DMRT1: variants seen among roughly 807,000 people sequenced by gnomAD.
DMRT1 encodes doublesex and mab-3 related transcription factor 1, also known as doublesex- and mab-3-related transcription factor 1.
Under a neutral mutation model 32.3 loss-of-function variants are expected in DMRT1, and 7 were observed. The observed-to-expected ratio is 0.22, with a 90% CI of 0.12 to 0.41. The LOEUF (loss-of-function observed/expected upper bound fraction) is 0.41, where lower values mean the gene tolerates loss of function less well. DMRT1 is among the 10% of genes least tolerant of loss of function. DMRT1 has a pLI of 1.00. For synonymous variants in DMRT1, 278 were observed against 206.1 expected (o/e 1.35, Z -2.99); for missense variants, 625 against 500.5 (o/e 1.25, Z -2.37).
chr9:871,044 G>A (rs1233797810), intron 2 of DMRT1, among the ~76,000 whole-genome samples: 2 of 151,664 alleles, frequency 1.3e-5, no homozygotes, highest in East Asian at 3.9e-4. Context: ...TGGGTTTCAG[G>A]GGGTCTTTGA....
intron 3 of DMRT1, among the ~76,000 whole-genome samples, chr9:915,472 T>A (rs1482605184): frequency 6.9e-6 from 1 of 144,560 alleles, no homozygotes; most frequent in Non-Finnish European, 1.5e-5. Context: ...CGGAAAAAAA[T>A]GAATGACTGC....
intron 2 of DMRT1, among the ~76,000 whole-genome samples, chr9:883,345 C>T (rs1017962194): frequency 2.0e-5 from 3 of 152,074 alleles, no homozygotes; most frequent in African/African-American, 4.8e-5. Context: ...TCTTGTGCTA[C>T]AGGAGCGACA....
chr9:892,927 C>G (rs1275483498), intron 2 of DMRT1, among the ~76,000 whole-genome samples: 1 of 152,188 alleles, frequency 6.6e-6, no homozygotes, highest in African/African-American at 2.4e-5. Context: ...TCCTTCCTCT[C>G]CTTTTCTCAT....
At chr9:857,316 A>T (rs7865419) in intron 2 of DMRT1, among the ~76,000 whole-genome samples, 64,771 of 151,568 alleles carry the variant, frequency 0.43, 16,605 homozygotes, top group African/African-American at 0.73. Context: ...CAAAAAAAAT[A>T]TATATATGTG....
intron 4 of DMRT1, among the ~76,000 whole-genome samples, chr9:928,753 A>G (rs1818612249): frequency 6.6e-6 from 1 of 152,230 alleles, no homozygotes; most frequent in African/African-American, 2.4e-5. Context: ...TTTAAGATGT[A>G]CAACAACAAA....
intron 2 of DMRT1, among the ~76,000 whole-genome samples, chr9:888,088 G>A (rs1305676841): frequency 6.6e-6 from 1 of 152,192 alleles, no homozygotes; most frequent in African/African-American, 2.4e-5. Flanking sequence ...CTGAATGCCT[G>A]ACAAATAGTA....
chr9:951,623 A>G (rs1259602500), intron 4 of DMRT1, among the ~76,000 whole-genome samples: 2 of 152,198 alleles, frequency 1.3e-5, no homozygotes, highest in Admixed American at 6.5e-5. Context: ...TCTTGGGTAA[A>G]TTAGTTTAAT....
rs539403032 is a variant in DMRT1 at position 892,375 on chromosome 9, C to T, written c.539-1537C>T. Among the ~76,000 whole-genome samples, 5 of 152,236 alleles carry T rather than the reference C, an allele frequency of 3.3e-5. No homozygotes were observed. The East Asian group carries it at 9.7e-4, about 29-fold the overall frequency. ...TTCCAGTCTCAGCCTCTCCCAAAAG[C>T]ACGCGTTTCATGTTCCTCACCCTCA... is the stretch of plus-strand genomic sequence containing the variant. On this transcript the variant is annotated intron_variant, in intron 2 of 4. Coordinates refer to ENST00000382276, the MANE Select transcript of DMRT1 (RefSeq NM_021951.3).
At chr9:853,936 C>T (rs1815275377) in intron 2 of DMRT1, among the ~76,000 whole-genome samples, 1 of 152,056 alleles carries the variant, frequency 6.6e-6, no homozygotes, top group South Asian at 2.1e-4. Flanking sequence ...GTTAGGACTA[C>T]AGGTGCACGC....
chr9:864,261 G>C (rs1270614366), intron 2 of DMRT1, among the ~76,000 whole-genome samples: 1 of 150,236 alleles, frequency 6.7e-6, no homozygotes, highest in African/African-American at 2.5e-5. Context: ...CTGGAGTGCA[G>C]TGGTGTGATC....
chr9:881,372 A>G (rs2132630227), intron 2 of DMRT1, among the ~76,000 whole-genome samples: 1 of 152,346 alleles, frequency 6.6e-6, no homozygotes, highest in Non-Finnish European at 1.5e-5. Flanking sequence ...AATTGTATAC[A>G]TTTATGTAGA....
intron 2 of DMRT1, among the ~76,000 whole-genome samples, chr9:864,794 C>T (rs1589468016): frequency 6.6e-6 from 1 of 152,222 alleles, no homozygotes; most frequent in South Asian, 2.1e-4. Flanking sequence ...GCCACCGTGC[C>T]CGCCAGCCAG....
In DMRT1 at chr9:917,005, T is replaced by C. The variant is rs959109052; in HGVS notation, c.967+98T>C. 25 of 1,362,340 alleles carry C rather than the reference T, an allele frequency of 1.8e-5. No homozygotes were observed. The East Asian group carries it at 5.1e-4, about 28-fold the overall frequency. 84.4% of individuals were successfully genotyped at this position (1,362,340 alleles called of 1,614,324 possible). A position where few individuals can be genotyped will look rare whatever the true frequency, so the allele number is the denominator to read the frequency against. Reference sequence around the variant, plus strand: ...TGTCTAATGGCTTAGCTGTTAGTAATTGTTGGAAATTTTATTGCTGTGTGA... The same window carrying C: ...TGTCTAATGGCTTAGCTGTTAGTAACTGTTGGAAATTTTATTGCTGTGTGA... On this transcript the variant is annotated intron_variant, in intron 4 of 4. Coordinates refer to ENST00000382276, the MANE Select transcript of DMRT1 (RefSeq NM_021951.3).
intron 2 of DMRT1, among the ~76,000 whole-genome samples, chr9:854,292 T>A (rs985774540): frequency 2.0e-5 from 3 of 151,972 alleles, no homozygotes; most frequent in South Asian, 2.1e-4. Context: ...TTTATTAATT[T>A]ATTTATTTTT....
intron 4 of DMRT1, among the ~76,000 whole-genome samples, chr9:962,800 G>GT (rs1276410280): frequency 1.3e-5 from 2 of 152,130 alleles, no homozygotes; most frequent in African/African-American, 4.8e-5. Flanking sequence ...AAGTGGGGGA[G>GT]TAAGTTTGAT....
intron 4 of DMRT1, among the ~76,000 whole-genome samples, chr9:945,448 A>G (rs1260258769): frequency 1.3e-5 from 2 of 152,180 alleles, no homozygotes; most frequent in African/African-American, 4.8e-5. Flanking sequence ...GAGCCACCGT[A>G]TCTGGCCTGT....
chr9:847,000 G>C lies in DMRT1; in HGVS notation c.395G>C (p.Gly132Ala). Residue 132 changes from glycine (G) to alanine (A), a missense_variant, in exon 2 of 5, where the codon GGT becomes GCT. Around this residue, in one of 3 missense-constraint regions of DMRT1, gnomAD observed 416 missense variants for 321.6 expected, o/e 1.29. Coordinates refer to ENST00000382276, the MANE Select transcript of DMRT1 (RefSeq NM_021951.3). ...RRQQAQEEEL[G>A]ISHPIPLPSA... ...CAGCAGGCCCAGGAGGAGGAATTGG[G>C]TATCAGCCACCCCATCCCACTGCCC... The C allele has an allele frequency of 6.2e-7, 1 of 1,614,138 alleles. No individual in the cohort carries two copies. Among genetic ancestry groups the C allele is most frequent in the South Asian group, 1.1e-5 (1 of 91,082 alleles).
chr9:892,225 C>T (rs1817179417), intron 2 of DMRT1, among the ~76,000 whole-genome samples: 2 of 152,222 alleles, frequency 1.3e-5, no homozygotes, highest in Admixed American at 1.3e-4. Context: ...TCAGCTTTAA[C>T]CTCTGTGACG....
At chr9:843,806 T>G (rs1282586619) in intron 1 of DMRT1, among the ~76,000 whole-genome samples, 1 of 152,218 alleles carries the variant, frequency 6.6e-6, no homozygotes, top group Non-Finnish European at 1.5e-5. Context: ...TTATATAATA[T>G]ATCAGATTTT....
Sources: gnomAD v4.1 joint callset for allele counts (sites outside exome capture counted in the v4.1 genomes callset) on GRCh38, gnomAD v4.1.1 for gene constraint, gnomAD v4.1.1 regional missense constraint, MANE v1.5 for transcripts, NCBI Gene and HGNC (gene_info 2026-07-23, HGNC 2026-07-21) for gene names.